Variants in DACH1 observed in about 807,000 individuals in gnomAD.
DACH1 encodes dachshund homolog 1.
DACH1 carries 12 observed loss-of-function variants against 54.2 expected under a neutral mutation model. The ratio of observed to expected loss-of-function variants is 0.22; its 90% CI spans 0.14 to 0.36. The LOEUF (loss-of-function observed/expected upper bound fraction) is 0.36, where lower values mean the gene tolerates loss of function less well. DACH1 is among the 10% of genes least tolerant of loss of function. The probability of loss-of-function intolerance (pLI) is 1.00; values close to 1 mark genes in which losing one functional copy is unlikely to be tolerated. For synonymous variants in DACH1, 386 were observed against 366.2 expected (o/e 1.05, Z -0.62); for missense variants, 805 against 929.8 (o/e 0.87, Z 1.75).
chr13:71,749,361 A>T (rs1157567998), intron 1 of DACH1, among the ~76,000 whole-genome samples: 1 of 152,126 alleles, frequency 6.6e-6, no homozygotes, highest in African/African-American at 2.4e-5. Flanking sequence ...TAATTTGCCT[A>T]AAAATATCCA....
At chr13:71,857,461 C>CGT (rs200516663) in intron 1 of DACH1, among the ~76,000 whole-genome samples, 7,306 of 151,046 alleles carry the variant, frequency 0.048, 255 homozygotes, top group Middle Eastern at 0.068. Context: ...GTTATGTTTG[C>CGT]GTGTGTGTGT....
chr13:71,753,120 G>A (rs1224183209), intron 1 of DACH1, among the ~76,000 whole-genome samples: 1 of 152,112 alleles, frequency 6.6e-6, no homozygotes, highest in Non-Finnish European at 1.5e-5. Flanking sequence ...AAAAATAAGC[G>A]AACCACTGCA....
chr13:71,488,017 G>C (rs933669636), intron 7 of DACH1, among the ~76,000 whole-genome samples: 10 of 152,032 alleles, frequency 6.6e-5, no homozygotes, highest in African/African-American at 2.4e-4. Flanking sequence ...AATTACATTA[G>C]TATTAAAAAA....
intron 3 of DACH1, among the ~76,000 whole-genome samples, chr13:71,604,217 A>G (rs1316587247): frequency 6.6e-6 from 1 of 151,960 alleles, no homozygotes; most frequent in Non-Finnish European, 1.5e-5. Flanking sequence ...CCAATTAGTT[A>G]ATTTTTCATT....
chr13:71,807,972 C>A (rs903770180), intron 1 of DACH1, among the ~76,000 whole-genome samples: 1 of 152,042 alleles, frequency 6.6e-6, no homozygotes, highest in Non-Finnish European at 1.5e-5. Flanking sequence ...ATAATGTAGT[C>A]GGAGTAATTT....
At chr13:71,521,266 T>A (rs1881578265) in intron 6 of DACH1, among the ~76,000 whole-genome samples, 1 of 152,040 alleles carries the variant, frequency 6.6e-6, no homozygotes, top group Non-Finnish European at 1.5e-5. Flanking sequence ...TAGATTTCTA[T>A]TAATACTATA....
At chr13:71,592,494 C>CAAAAAAAAAAAAAAAAAA (rs575364116) in intron 3 of DACH1, among the ~76,000 whole-genome samples, 113 of 32,452 alleles carry the variant, frequency 3.5e-3, no homozygotes, top group Non-Finnish European at 4.6e-3. Flanking sequence ...GACTCTATCT[C>CAAAAAAAAAAAAAAAAAA]AAAAAAAAAA....
chr13:71,690,716 G>A (rs1881436207), intron 1 of DACH1, among the ~76,000 whole-genome samples: 1 of 152,130 alleles, frequency 6.6e-6, no homozygotes, highest in Admixed American at 6.5e-5. Flanking sequence ...AGGATTGCTT[G>A]AGCCCAGGAG....
At chr13:71,459,440 A>C (rs1176596145) in intron 10 of DACH1, among the ~76,000 whole-genome samples, 1 of 151,942 alleles carries the variant, frequency 6.6e-6, no homozygotes, top group Non-Finnish European at 1.5e-5. Flanking sequence ...TTTGAGTGAA[A>C]GACATGAGAA....
At chr13:71,543,491 T>C (rs1047544942) in intron 6 of DACH1, among the ~76,000 whole-genome samples, 3 of 152,084 alleles carry the variant, frequency 2.0e-5, no homozygotes, top group African/African-American at 2.4e-5. Context: ...AATGTTTCTA[T>C]TACTATGATT....
chr13:71,592,014 G>A (rs1364667425), intron 3 of DACH1, among the ~76,000 whole-genome samples: 3 of 152,124 alleles, frequency 2.0e-5, no homozygotes, highest in Non-Finnish European at 4.4e-5. Context: ...TATTCATTGT[G>A]AGGTAGCAGA....
intron 1 of DACH1, among the ~76,000 whole-genome samples, chr13:71,711,729 G>A (rs981647284): frequency 2.0e-5 from 3 of 152,034 alleles, no homozygotes; most frequent in Non-Finnish European, 2.9e-5. Flanking sequence ...GTGTGATAAT[G>A]AAAATAGCAG....
intron 6 of DACH1, among the ~76,000 whole-genome samples, chr13:71,517,953 T>G (rs1881285236): frequency 6.6e-6 from 1 of 151,916 alleles, no homozygotes; most frequent in Admixed American, 6.6e-5. Context: ...TTTTAAATAG[T>G]GAGCCTAACT....
At chr13:71,614,582 A>G (rs938830069) in intron 3 of DACH1, among the ~76,000 whole-genome samples, 1 of 152,126 alleles carries the variant, frequency 6.6e-6, no homozygotes, top group African/African-American at 2.4e-5. Context: ...CATGCCTGGC[A>G]ATGGTTTGTG....
intron 1 of DACH1, among the ~76,000 whole-genome samples, chr13:71,707,844 T>C (rs1859215180): frequency 6.6e-6 from 1 of 151,804 alleles, no homozygotes. Flanking sequence ...AGGAGAACAA[T>C]GAAAGGGAGG....
intron 1 of DACH1, among the ~76,000 whole-genome samples, chr13:71,828,131 C>T (rs556573808): frequency 6.6e-6 from 1 of 152,086 alleles, no homozygotes; most frequent in South Asian, 2.1e-4. Context: ...CTTTCCGCTC[C>T]TCTGTGAACA....
chr13:71,751,183 A>T lies in DACH1; in HGVS notation c.849-69273T>A, dbSNP rs895913074. On this transcript the variant is annotated intron_variant, in intron 1 of 10. Transcript: ENST00000613252. Reference sequence around the variant, plus strand: ...TGATCCCCAGAGCATTCACTGCAAGAACTGTTTGCATATTCAGTTATTGTT... The same window carrying T: ...TGATCCCCAGAGCATTCACTGCAAGTACTGTTTGCATATTCAGTTATTGTT... 7.7e-5 allele frequency among the ~76,000 whole-genome samples: 11 copies of T among 143,110 alleles called. 1 individual carries two copies. Among genetic ancestry groups the T allele is most frequent in the Admixed American group, 6.7e-5 (1 of 14,896 alleles). 93.9% of individuals were successfully genotyped at this position (143,110 alleles called of 152,430 possible). A position where few individuals can be genotyped will look rare whatever the true frequency, so the allele number is the denominator to read the frequency against.
intron 8 of DACH1, 148 bp downstream of exon 8, chr13:71,479,021 A>G: frequency 1.5e-6 from 1 of 661,074 alleles, no homozygotes; most frequent in Non-Finnish European, 2.3e-6. Context: ...TAAGAAATAC[A>G]ATGAGCCTAG....
chr13:71,698,991 G>A (rs1178101213), intron 1 of DACH1, among the ~76,000 whole-genome samples: 1 of 152,096 alleles, frequency 6.6e-6, no homozygotes, highest in East Asian at 1.9e-4. Context: ...TTGGATAGAA[G>A]TAAACTGTGT....
Sources: allele counts gnomAD v4.1 joint callset (sites outside exome capture counted in the v4.1 genomes callset), GRCh38; gene constraint gnomAD v4.1.1; transcripts MANE v1.5; gene names NCBI Gene and HGNC (gene_info 2026-07-23, HGNC 2026-07-21).